Variants in PARP15 observed in about 807,000 individuals in gnomAD.
PARP15 encodes the protein protein mono-ADP-ribosyltransferase PARP15.
A neutral mutation model predicts 62.1 loss-of-function variants in PARP15; 50 were observed. The ratio of observed to expected loss-of-function variants is 0.81; its 90% CI spans 0.64 to 1.02. PARP15 has a LOEUF of 1.02. PARP15 is among the 50% of genes least tolerant of loss of function. The pLI, the probability that PARP15 is intolerant of heterozygous loss-of-function variation, is 0.00. For synonymous variants in PARP15, 309 were observed against 293.1 expected (o/e 1.05, Z -0.55); for missense variants, 820 against 826.5 (o/e 0.99, Z 0.10).
At chr3:122,577,892 A>G (rs1048415865) in intron 1 of PARP15, 39 bp downstream of exon 1, 2 of 1,495,624 alleles carry the variant, frequency 1.3e-6, no homozygotes, top group Non-Finnish European at 1.8e-6. Context: ...AGGGGACAGC[A>G]GGGCTGAGCC....
rs1394538582 is a variant in PARP15, at chr3:122,621,521, G to T, written c.1141G>T (p.Gly381Ter). The change falls in exon 8 of 12, where the codon GGA becomes TGA. Residue 381 changes from glycine (G) to a stop codon, truncating the protein, a stop_gained. Transcript: ENST00000464300. LOFTEE classifies it high-confidence loss of function. ...KCKIIIHVPG[G>*]KDVRKTVTSV... The stretch of plus-strand genomic sequence containing the variant: ...CAAAATAATAATTCATGTTCCTGGG[G>T]GAAAAGATGTCAGGAAAACGGTCAC... 1 of 1,613,974 alleles carries T rather than the reference G, an allele frequency of 6.2e-7. No individual in the cohort carries two copies. Among genetic ancestry groups the T allele is most frequent in the South Asian group, 1.1e-5 (1 of 91,038 alleles).
At chr3:122,589,922 C>T (rs1392998473) in intron 1 of PARP15, among the ~76,000 whole-genome samples, 1 of 132,956 alleles carries the variant, frequency 7.5e-6, no homozygotes, top group East Asian at 2.2e-4. Context: ...GACAGAGTCT[C>T]GCTCTGTCCC....
chr3:122,616,855 A>G (rs971262316), intron 5 of PARP15, among the ~76,000 whole-genome samples, 160 bp from the exon 6 acceptor site: 2 of 152,232 alleles, frequency 1.3e-5, no homozygotes, highest in African/African-American at 4.8e-5. Flanking sequence ...TTAAAAAGAA[A>G]ACCAAGCTGT....
At chr3:122,623,656 C>T (rs948556925) in intron 8 of PARP15, among the ~76,000 whole-genome samples, 9 of 152,134 alleles carry the variant, frequency 5.9e-5, no homozygotes, top group African/African-American at 1.2e-4. Context: ...CACACCTCTT[C>T]GACTGTGAAT....
At chr3:122,594,281 C>T (rs1576487390) in intron 1 of PARP15, among the ~76,000 whole-genome samples, 1 of 151,974 alleles carries the variant, frequency 6.6e-6, no homozygotes, top group Admixed American at 6.6e-5. Flanking sequence ...GCCTAGGCAA[C>T]AGAAAAACAA....
intron 1 of PARP15, among the ~76,000 whole-genome samples, chr3:122,590,279 T>C (rs1933793632): frequency 6.6e-6 from 1 of 151,952 alleles, no homozygotes; most frequent in Non-Finnish European, 1.5e-5. Flanking sequence ...TTCCAAATAA[T>C]ATATATATTT....
At chr3:122,628,489 G>A (rs1936871743) in intron 9 of PARP15, among the ~76,000 whole-genome samples, 1 of 151,962 alleles carries the variant, frequency 6.6e-6, no homozygotes, top group African/African-American at 2.4e-5. Context: ...TTTTCCCTTT[G>A]GTCCTTGTAG....
At chr3:122,581,915 T>C (rs1255985624) in intron 1 of PARP15, among the ~76,000 whole-genome samples, 2 of 152,244 alleles carry the variant, frequency 1.3e-5, no homozygotes, top group African/African-American at 4.8e-5. Flanking sequence ...TAATATGTTT[T>C]GAAATCAGGA....
chr3:122,597,613 A>G (rs931159227), intron 1 of PARP15, among the ~76,000 whole-genome samples: 6 of 152,104 alleles, frequency 3.9e-5, no homozygotes, highest in African/African-American at 1.4e-4. Context: ...TATATCCCAG[A>G]CCATACCTTA....
At chr3:122,621,326 G>T (rs112470875) in intron 7 of PARP15, 118 bp from the exon 8 acceptor site, 53 of 1,092,612 alleles carry the variant, frequency 4.9e-5, no homozygotes, top group Admixed American at 2.0e-4. Flanking sequence ...CAACAAGCTC[G>T]AGTGAGACTG....
chr3:122,623,263 T>C (rs1936467341), intron 8 of PARP15, among the ~76,000 whole-genome samples: 1 of 152,156 alleles, frequency 6.6e-6, no homozygotes, highest in Non-Finnish European at 1.5e-5. Flanking sequence ...TTTGTTCCCA[T>C]CACCCAGGGC....
chr3:122,603,629 A>G (rs1934963802), intron 1 of PARP15, among the ~76,000 whole-genome samples: 1 of 152,200 alleles, frequency 6.6e-6, no homozygotes, highest in South Asian at 2.1e-4. Context: ...GAAAACCAAA[A>G]TGTGACTGAG....
intron 3 of PARP15, among the ~76,000 whole-genome samples, chr3:122,611,748 C>T (rs146233978): frequency 0.028 from 4,236 of 151,214 alleles, 217 homozygotes; most frequent in African/African-American, 0.097. Context: ...GAGTTTTGCT[C>T]TTGTTGCCCA....
chr3:122,635,753 GT>G, intron 11 of PARP15, 57 bp from the exon 12 acceptor site: 1 of 1,552,064 alleles, frequency 6.4e-7, no homozygotes, highest in South Asian at 1.2e-5. Context: ...ATTGGGCATG[GT>G]TCTACACATT....
chr3:122,606,119 G>C (rs1269266357), intron 2 of PARP15, 64 bp downstream of exon 2: 81 of 1,464,072 alleles, frequency 5.5e-5, no homozygotes, highest in Non-Finnish European at 7.4e-5. Flanking sequence ...TGTTCTGTGA[G>C]TTGTTCCATG....
At chr3:122,583,114 C>CTTTT (rs67942585) in intron 1 of PARP15, among the ~76,000 whole-genome samples, 1,213 of 83,372 alleles carry the variant, frequency 0.015, 99 homozygotes, top group Non-Finnish European at 0.02. Context: ...TCATCTGTAT[C>CTTTT]TTTTTTTTTT....
chr3:122,604,442 G>A (rs1576504529), intron 1 of PARP15, among the ~76,000 whole-genome samples: 1 of 152,238 alleles, frequency 6.6e-6, no homozygotes, highest in African/African-American at 2.4e-5. Context: ...AACAGACTGG[G>A]TGCAGTGGCT....
At chr3:122,581,803 A>T (rs1211736181) in intron 1 of PARP15, among the ~76,000 whole-genome samples, 1 of 152,204 alleles carries the variant, frequency 6.6e-6, no homozygotes, top group African/African-American at 2.4e-5. Flanking sequence ...TATCCAAGAA[A>T]TCATTGCCAA....
At chr3:122,604,607 C>T (rs955386023) in intron 1 of PARP15, among the ~76,000 whole-genome samples, 4 of 151,958 alleles carry the variant, frequency 2.6e-5, no homozygotes, top group African/African-American at 9.7e-5. Context: ...GTAATCCCAG[C>T]ACTTTGGGAG....
Sources: gnomAD v4.1 joint callset for allele counts (sites outside exome capture counted in the v4.1 genomes callset) on GRCh38, gnomAD v4.1.1 for gene constraint, MANE v1.5 for transcripts, NCBI Gene and HGNC (gene_info 2026-07-23, HGNC 2026-07-21) for gene names.